Variants in WDR64 observed in about 807,000 individuals in gnomAD.
The protein encoded by WDR64 is WD repeat domain 64.
In WDR64, 112 loss-of-function variants were observed where a neutral mutation model predicts 139.3. The observed-to-expected ratio is 0.80, with a 90% confidence interval of 0.69 to 0.94. The LOEUF is 0.94. WDR64 is among the 40% of genes least tolerant of loss of function. The pLI is 0.00. For synonymous variants in WDR64, 444 were observed against 437.7 expected (o/e 1.01, Z -0.18); for missense variants, 1,206 against 1,293.1 (o/e 0.93, Z 1.03).
intron 15 of WDR64, 49 bp from the exon 16 acceptor site, chr1:241,766,169 C>G (rs753832834): frequency 1.3e-6 from 2 of 1,579,364 alleles, no homozygotes; most frequent in South Asian, 1.2e-5. Flanking sequence ...GTTTGCACCG[C>G]GAATCATGAA....
intron 8 of WDR64, among the ~76,000 whole-genome samples, chr1:241,693,057 C>A (rs1667358684): frequency 6.6e-6 from 1 of 152,150 alleles, no homozygotes. Flanking sequence ...AGTCATACTA[C>A]TTGGTATTTA....
intron 9 of WDR64, among the ~76,000 whole-genome samples, chr1:241,721,629 G>T (rs768097226): frequency 6.6e-6 from 1 of 151,980 alleles, no homozygotes; most frequent in Non-Finnish European, 1.5e-5. Flanking sequence ...AAGAAAGTTG[G>T]ATTATGCAAC....
intron 8 of WDR64, among the ~76,000 whole-genome samples, chr1:241,691,303 T>C (rs1424032947): frequency 6.6e-6 from 1 of 152,112 alleles, no homozygotes; most frequent in African/African-American, 2.4e-5. Context: ...ATAGTAGATA[T>C]TAATCCAACT....
In WDR64 at chr1:241,801,436, A is replaced by G. The variant is rs1457339168; in HGVS notation, c.*221A>G. ...GCCAGAAGTTTAGGCGGTGTTTCTT[A>G]TTTACTGTCAGCAAACTGACACATA... is the stretch of plus-strand genomic sequence containing the variant. On this transcript the variant is annotated 3_prime_UTR_variant, in exon 28 of 28. Coordinates refer to ENST00000437684, the MANE Select transcript of WDR64 (RefSeq NM_001367482.1). 8.2e-6 allele frequency: 4 copies of G among 485,312 alleles called. No homozygotes were observed. Among genetic ancestry groups the G allele is most frequent in the Non-Finnish European group, 1.1e-5 (3 of 273,008 alleles). The allele number at this position is 485,312 out of a possible 1,614,324, so 30.1% of individuals were successfully genotyped here.
intron 3 of WDR64, among the ~76,000 whole-genome samples, chr1:241,672,787 T>A (rs1189737396): frequency 1.3e-5 from 2 of 151,980 alleles, no homozygotes; most frequent in Non-Finnish European, 2.9e-5. Context: ...GTGAAAAAGA[T>A]CTGTAGAAAG....
chr1:241,712,114 G>A (rs1372399056), intron 9 of WDR64, among the ~76,000 whole-genome samples: 1 of 152,120 alleles, frequency 6.6e-6, no homozygotes, highest in Non-Finnish European at 1.5e-5. Context: ...TGTTCTTACT[G>A]TTTTGTTTTC....
At chr1:241,673,547 A>T (rs928679447) in intron 3 of WDR64, among the ~76,000 whole-genome samples, 6 of 152,144 alleles carry the variant, frequency 3.9e-5, no homozygotes, top group African/African-American at 1.4e-4. Flanking sequence ...AAGTGTATCC[A>T]ATTATATACT....
At chr1:241,661,158 T>G (rs1453448207) in intron 2 of WDR64, among the ~76,000 whole-genome samples, 1 of 150,552 alleles carries the variant, frequency 6.6e-6, no homozygotes, top group Non-Finnish European at 1.5e-5. Context: ...AATTATCTGG[T>G]TCTTTAAAAA....
At chr1:241,750,987 G>C (rs900764217) in intron 14 of WDR64, among the ~76,000 whole-genome samples, 6 of 152,060 alleles carry the variant, frequency 3.9e-5, no homozygotes, top group Non-Finnish European at 5.9e-5. Flanking sequence ...ATTATTATTA[G>C]TGTATTACTA....
chr1:241,762,192 C>T (rs6429305), intron 15 of WDR64, among the ~76,000 whole-genome samples: 114,529 of 152,100 alleles, frequency 0.75, 43,443 homozygotes, highest in Non-Finnish European at 0.8. Flanking sequence ...CCTTGATCCA[C>T]GGGCTGCAGA....
At chr1:241,725,586 G>C (rs1668791738) in intron 10 of WDR64, among the ~76,000 whole-genome samples, 1 of 152,136 alleles carries the variant, frequency 6.6e-6, no homozygotes. Context: ...ACAAGGGAAA[G>C]ACTCTAAGGA....
Position 241,720,446 on chromosome 1 carries a change from C to T in WDR64, c.1055-2851C>T, listed in dbSNP as rs538858534. 5.5e-4 allele frequency among the ~76,000 whole-genome samples: 84 copies of T among 152,236 alleles called. 2 individuals carry two copies. In the South Asian group the frequency reaches 0.015, roughly 28 times the overall value. On this transcript the variant is annotated intron_variant, in intron 9 of 27. Coordinates refer to ENST00000437684, the MANE Select transcript of WDR64 (RefSeq NM_001367482.1). ...CACTGTAAAAGCATTTCTTTTTCTC[C>T]GCAACTTTGCCAGCATCTCTTGTTT...
rs146121342 is a variant in WDR64 at position 241,799,376 on chromosome 1, CA to C, written c.3193-1742del. Among the ~76,000 whole-genome samples the C allele has an allele frequency of 7.2e-3, 751 of 103,894 alleles. 3 individuals are homozygous for C. The highest frequency in any genetic ancestry group is 6.3e-3 in the Middle Eastern group (1 of 160). 68.2% of individuals were successfully genotyped at this position (103,894 alleles called of 152,430 possible). A position where few individuals can be genotyped will look rare whatever the true frequency, so the allele number is the denominator to read the frequency against. Reference sequence around the variant, plus strand: ...TGGATGACAGAATGAAACTCTGTCTCAAAAAAAAAAAAAAGTATTTAATGAC... The same window carrying C: ...TGGATGACAGAATGAAACTCTGTCTCAAAAAAAAAAAAAGTATTTAATGAC... On this transcript the variant is annotated intron_variant, in intron 27 of 27. Coordinates refer to ENST00000437684, the MANE Select transcript of WDR64 (RefSeq NM_001367482.1).
intron 15 of WDR64, among the ~76,000 whole-genome samples, chr1:241,759,015 TTCTC>T (rs1334037336): frequency 2.6e-5 from 4 of 152,142 alleles, no homozygotes; most frequent in Non-Finnish European, 5.9e-5. Flanking sequence ...TTTTATATCT[TTCTC>T]TCGGAAAATT....
intron 6 of WDR64, among the ~76,000 whole-genome samples, chr1:241,680,580 C>G (rs756239074): frequency 6.6e-6 from 1 of 152,162 alleles, no homozygotes; most frequent in Admixed American, 6.6e-5. Context: ...AGTCTTCACT[C>G]TCCGTCAACT....
At chr1:241,705,623 C>T (rs536385971) in intron 8 of WDR64, among the ~76,000 whole-genome samples, 19 of 151,250 alleles carry the variant, frequency 1.3e-4, no homozygotes, top group Non-Finnish European at 2.7e-4. Context: ...AATGTTACCC[C>T]GTCACCTGGA....
At chr1:241,738,937 T>A (rs1334897560) in intron 11 of WDR64, among the ~76,000 whole-genome samples, 4 of 152,224 alleles carry the variant, frequency 2.6e-5, no homozygotes, top group African/African-American at 9.6e-5. Flanking sequence ...CAGCTCTGTT[T>A]TGACTCTGGA....
At chr1:241,673,210 T>C (rs2148076070) in intron 3 of WDR64, among the ~76,000 whole-genome samples, 1 of 150,322 alleles carries the variant, frequency 6.7e-6, no homozygotes, top group East Asian at 2.0e-4. Flanking sequence ...GGGATAGCAT[T>C]AGGAGATACA....
intron 10 of WDR64, among the ~76,000 whole-genome samples, chr1:241,737,834 C>T (rs1216829087): frequency 6.6e-6 from 1 of 152,142 alleles, no homozygotes; most frequent in Non-Finnish European, 1.5e-5. Flanking sequence ...TATTCTCATA[C>T]TCCTAGTGTG....
Sources: allele counts gnomAD v4.1 joint callset (sites outside exome capture counted in the v4.1 genomes callset), GRCh38; gene constraint gnomAD v4.1.1; transcripts MANE v1.5; gene names NCBI Gene and HGNC (gene_info 2026-07-23, HGNC 2026-07-21).